The following GALNT13 variants were observed in gnomAD, a reference collection of about 807,000 sequenced individuals.
GALNT13 encodes the protein UDP-GalNAc:polypeptide N-acetylgalactosaminyltransferase 13.
In GALNT13, 28 loss-of-function variants were observed where a neutral mutation model predicts 64.2. The ratio of observed to expected loss-of-function variants is 0.44; its 90% confidence interval spans 0.32 to 0.60. GALNT13 has a LOEUF of 0.60. GALNT13 is among the 20% of genes least tolerant of loss of function. GALNT13 has a pLI of 0.05. For synonymous variants in GALNT13, 214 were observed against 224.6 expected, an observed-to-expected ratio of 0.95 and a Z score of 0.42; for missense variants, 577 against 669.8, an observed-to-expected ratio of 0.86 and a Z score of 1.53.
At chr2:153,323,898 A>G in the GALNT13 span, among the ~76,000 whole-genome samples, 1 of 152,142 alleles carries the variant, frequency 6.6e-6, no homozygotes, top group Non-Finnish European at 1.5e-5. Flanking sequence ...GTAACCTTGT[A>G]GTATATTTTA....
the GALNT13 span, among the ~76,000 whole-genome samples, chr2:153,698,579 C>A: frequency 6.6e-6 from 1 of 152,228 alleles, no homozygotes; most frequent in Middle Eastern, 3.4e-3. Flanking sequence ...ACAGTACACC[C>A]AGATTCATAA....
At chr2:153,076,568 A>G in the GALNT13 span, among the ~76,000 whole-genome samples, 3 of 152,072 alleles carry the variant, frequency 2.0e-5, no homozygotes, top group Non-Finnish European at 4.4e-5. Flanking sequence ...TACTTTTATG[A>G]TATAATTTTT....
intron 3 of GALNT13, among the ~76,000 whole-genome samples, chr2:153,953,511 C>A (rs1692349774): frequency 1.3e-5 from 2 of 152,062 alleles, no homozygotes; most frequent in Admixed American, 1.3e-4. Flanking sequence ...ACTTTTACAA[C>A]CAATGGAATG....
At chr2:153,208,973 CTTTTTTTTTTTT>C in the GALNT13 span, among the ~76,000 whole-genome samples, 6 of 74,682 alleles carry the variant, frequency 8.0e-5, no homozygotes, top group East Asian at 2.1e-3. Flanking sequence ...TGGTTTTGGT[CTTTTTTTTTTTT>C]TTTTTTTTTT....
intron 9 of GALNT13, among the ~76,000 whole-genome samples, chr2:154,365,375 A>C (rs1697311601): frequency 6.6e-6 from 1 of 152,158 alleles, no homozygotes; most frequent in Non-Finnish European, 1.5e-5. Flanking sequence ...TCAAAGACAA[A>C]AGGAAAAATA....
the GALNT13 span, among the ~76,000 whole-genome samples, chr2:153,480,469 C>G: frequency 6.6e-6 from 1 of 152,032 alleles, no homozygotes; most frequent in Non-Finnish European, 1.5e-5. Context: ...TGGGCTTCTA[C>G]CACAATTCAC....
At chr2:154,275,700 CT>C (rs1411159102) in intron 8 of GALNT13, among the ~76,000 whole-genome samples, 2 of 152,188 alleles carry the variant, frequency 1.3e-5, no homozygotes, top group African/African-American at 2.4e-5. Context: ...AGAGTCCCCC[CT>C]GGACATTGTC....
the GALNT13 span, among the ~76,000 whole-genome samples, chr2:153,207,229 C>A: frequency 6.6e-6 from 1 of 152,094 alleles, no homozygotes; most frequent in Non-Finnish European, 1.5e-5. Flanking sequence ...GAGCTTTCTG[C>A]AATCTGGATT....
intron 3 of GALNT13, among the ~76,000 whole-genome samples, chr2:153,981,735 T>C (rs1015591617): frequency 6.6e-6 from 1 of 152,130 alleles, no homozygotes; most frequent in East Asian, 1.9e-4. Flanking sequence ...TGAATTTTGC[T>C]TTGTCACCTG....
At chr2:153,825,988 C>T in the GALNT13 span, among the ~76,000 whole-genome samples, 45,716 of 151,964 alleles carry the variant, frequency 0.3, 7,452 homozygotes, top group Middle Eastern at 0.42. Context: ...TCCTCATTTT[C>T]TCTAGAACAT....
the GALNT13 span, among the ~76,000 whole-genome samples, chr2:153,298,392 G>A: frequency 6.6e-6 from 1 of 152,158 alleles, no homozygotes; most frequent in African/African-American, 2.4e-5. Context: ...CTGTCATTGG[G>A]ACTGATATTC....
intron 3 of GALNT13, among the ~76,000 whole-genome samples, chr2:153,979,055 GTTCTT>G (rs1694270770): frequency 6.6e-6 from 1 of 151,958 alleles, no homozygotes; most frequent in African/African-American, 2.4e-5. Context: ...ATTTTGCATA[GTTCTT>G]AATATATAAG....
At chr2:153,290,611 A>G in the GALNT13 span, among the ~76,000 whole-genome samples, 1 of 152,196 alleles carries the variant, frequency 6.6e-6, no homozygotes, top group Non-Finnish European at 1.5e-5. Flanking sequence ...GCATTTCTAC[A>G]ACTTTAAGTG....
At chr2:153,826,446 A>G in the GALNT13 span, among the ~76,000 whole-genome samples, 1 of 152,182 alleles carries the variant, frequency 6.6e-6, no homozygotes, top group South Asian at 2.1e-4. Flanking sequence ...TGAGTTTTGG[A>G]GAGGACAAAC....
intron 1 of GALNT13, among the ~76,000 whole-genome samples, chr2:153,893,409 A>G (rs1687682044): frequency 1.3e-5 from 2 of 152,030 alleles, no homozygotes; most frequent in South Asian, 4.1e-4. Flanking sequence ...TTTTTGGATT[A>G]TAACATGATA....
At chr2:153,195,537 A>G in the GALNT13 span, among the ~76,000 whole-genome samples, 1 of 152,206 alleles carries the variant, frequency 6.6e-6, no homozygotes, top group Non-Finnish European at 1.5e-5. Context: ...TCCAGCTGGC[A>G]CCAGTGAATG....
At chr2:154,301,619 A>G in intron 9 of GALNT13, 30 bp downstream of exon 9, 3 of 1,427,258 alleles carry the variant, frequency 2.1e-6, no homozygotes, top group African/African-American at 2.8e-5. Context: ...TTCTTTCTCT[A>G]CAGGAGAAAA....
At chr2:154,057,283 C>T (rs1287322676) in intron 3 of GALNT13, among the ~76,000 whole-genome samples, 4 of 152,102 alleles carry the variant, frequency 2.6e-5, no homozygotes, top group African/African-American at 9.7e-5. Flanking sequence ...CCTGCCTCGG[C>T]CCCCCAAAGT....
At chr2:153,079,616 T>C in the GALNT13 span, among the ~76,000 whole-genome samples, 1 of 152,156 alleles carries the variant, frequency 6.6e-6, no homozygotes, top group Non-Finnish European at 1.5e-5. Flanking sequence ...GCTACATGAT[T>C]ATGGGTAGTT....
Sources: gnomAD v4.1 joint callset for allele counts (sites outside exome capture counted in the v4.1 genomes callset) on GRCh38, gnomAD v4.1.1 for gene constraint, MANE v1.5 for transcripts, NCBI Gene and HGNC (gene_info 2026-07-23, HGNC 2026-07-21) for gene names.